The following ITIH6 variants were observed in gnomAD, a reference collection of about 807,000 sequenced individuals.
ITIH6 encodes inter-alpha-trypsin inhibitor heavy chain family member 6.
Under a neutral mutation model 58.2 loss-of-function variants are expected in ITIH6, and 60 were observed. The ratio of observed to expected loss-of-function variants is 1.03; its 90% CI spans 0.84 to 1.28. The LOEUF is 1.28. ITIH6 is among the 50% of genes most tolerant of loss of function. The probability of loss-of-function intolerance (pLI) is 0.00; values close to 1 mark genes in which losing one functional copy is unlikely to be tolerated. For synonymous variants in ITIH6, 493 were observed against 417.4 expected (o/e 1.18, Z -2.21); for missense variants, 1,290 against 1,021.1 (o/e 1.26, Z -3.59).
chrX:54,782,619 C>A (rs1420352936), intron 5 of ITIH6, among the ~76,000 whole-genome samples: 1 of 110,793 alleles, frequency 9.0e-6, no homozygotes, highest in Non-Finnish European at 1.9e-5. Flanking sequence ...TAGACACATA[C>A]AACCTAACCA....
Position 54,759,943 on chromosome X carries a change from G to A in ITIH6, c.904-16C>T. The A allele has an allele frequency of 8.5e-7, 1 of 1,180,941 alleles. No homozygotes were observed. Among genetic ancestry groups the A allele is most frequent in the Non-Finnish European group, 1.1e-6 (1 of 872,250 alleles). Reference sequence around the variant, plus strand: ...CCGTTTTAGTCTGTGGGATATGGATGAAATGAAGAGAATGGGACAAGACTT... The same window carrying A: ...CCGTTTTAGTCTGTGGGATATGGATAAAATGAAGAGAATGGGACAAGACTT... On this transcript the variant is annotated splice_polypyrimidine_tract_variant and intron_variant, in intron 6 of 12. Coordinates refer to ENST00000218436, the MANE Select transcript of ITIH6 (RefSeq NM_198510.3).
At chrX:54,773,675 T>C (rs1928996688) in intron 6 of ITIH6, among the ~76,000 whole-genome samples, 1 of 108,962 alleles carries the variant, frequency 9.2e-6, no homozygotes, top group Non-Finnish European at 1.9e-5. Flanking sequence ...TAGTACTCTA[T>C]ACTATTAGGC....
At chrX:54,797,963 GCT>G (rs1929473257) in intron 1 of ITIH6, 144 bp downstream of exon 1, 1 of 447,094 alleles carries the variant, frequency 2.2e-6, no homozygotes, top group African/African-American at 2.5e-5. Context: ...CCTGACATGT[GCT>G]CAGCAAATAG....
Position 54,751,399 on chromosome X carries a change from G to A in ITIH6, c.3353-19C>T. 1 of 1,203,796 alleles carries A rather than the reference G, an allele frequency of 8.3e-7. No homozygotes were observed. Among genetic ancestry groups the A allele is most frequent in the Admixed American group, 2.2e-5 (1 of 45,622 alleles). ...TGCAGCCCTGGAGGGAGGGGAGTGT[G>A]GGCCTGGAGCGGGGGCTTTTGCATG... On this transcript the variant is annotated intron_variant, in intron 11 of 12. Transcript: ENST00000218436.
intron 2 of ITIH6, among the ~76,000 whole-genome samples, chrX:54,796,413 T>C (rs1217970417): frequency 8.9e-6 from 1 of 112,054 alleles, no homozygotes; most frequent in Non-Finnish European, 1.9e-5. Context: ...TGGCCGGGTG[T>C]GGTGGCTCAT....
At chrX:54,770,183 A>T (rs1441274208) in intron 6 of ITIH6, among the ~76,000 whole-genome samples, 2 of 112,510 alleles carry the variant, frequency 1.8e-5, no homozygotes. Flanking sequence ...CGGAAAGGGA[A>T]CTCCCTGTCC....
intron 6 of ITIH6, among the ~76,000 whole-genome samples, chrX:54,763,333 G>A (rs868267132): frequency 2.5e-4 from 28 of 111,415 alleles, no homozygotes; most frequent in Non-Finnish European, 3.4e-4. Context: ...AGACTTAATA[G>A]GATTGCCTTT....
intron 8 of ITIH6, 30 bp from the exon 9 acceptor site, chrX:54,755,139 C>T (rs370701559): frequency 9.7e-6 from 11 of 1,139,783 alleles, no homozygotes; most frequent in African/African-American, 1.8e-5. Flanking sequence ...TAAGAAAACC[C>T]TTCAAATTCC....
chrX:54,781,164 T>A (rs187719739), intron 5 of ITIH6, among the ~76,000 whole-genome samples: 232 of 111,688 alleles, frequency 2.1e-3, no homozygotes, highest in African/African-American at 7.3e-3. Context: ...GGCAATAGCA[T>A]TCTGGACATA....
intron 4 of ITIH6, among the ~76,000 whole-genome samples, chrX:54,788,942 T>A (rs1002508926): frequency 1.4e-4 from 16 of 112,352 alleles, no homozygotes; most frequent in Non-Finnish European, 2.4e-4. Flanking sequence ...CCCTGCTTCA[T>A]TTTCCGTGCA....
At chrX:54,750,147 G>C in intron 12 of ITIH6, 41 bp from the exon 13 acceptor site, 1 of 1,056,681 alleles carries the variant, frequency 9.5e-7, no homozygotes, top group East Asian at 3.1e-5. Context: ...GAGGTGGCCT[G>C]AGTCCCTGCT....
intron 6 of ITIH6, among the ~76,000 whole-genome samples, chrX:54,768,535 GT>G (rs1265463241): frequency 9.8e-6 from 1 of 102,207 alleles, no homozygotes; most frequent in African/African-American, 3.7e-5. Flanking sequence ...GGTACCGGTT[GT>G]TCCTTTCCAT....
chrX:54,796,844 C>T, intron 2 of ITIH6, 98 bp downstream of exon 2: 1 of 859,885 alleles, frequency 1.2e-6, no homozygotes, highest in South Asian at 2.8e-5. Context: ...TCTCAGAGTG[C>T]ATTGTCTTAA....
chrX:54,755,172 T>A, intron 8 of ITIH6, 63 bp from the exon 9 acceptor site: 1 of 1,025,439 alleles, frequency 9.8e-7, no homozygotes, highest in Non-Finnish European at 1.4e-6. Context: ...TCAAAATCTT[T>A]CTGACAAGGA....
intron 5 of ITIH6, among the ~76,000 whole-genome samples, chrX:54,781,526 AT>A (rs1929147315): frequency 8.9e-6 from 1 of 112,437 alleles, no homozygotes; most frequent in Admixed American, 9.4e-5. Flanking sequence ...CAAAACCACA[AT>A]GAGACACCAT....
Position 54,750,003 on chromosome X carries a change from C to T in ITIH6, c.3834G>A (p.Leu1278=), listed in dbSNP as rs980455726. 2.5e-6 allele frequency: 3 copies of T among 1,211,531 alleles called. No homozygotes were observed. The highest frequency in any genetic ancestry group is 2.2e-6 in the Non-Finnish European group (2 of 895,277). Residue 1278 remains leucine (L), a synonymous_variant, in exon 13 of 13, where the codon CTG becomes CTA. Transcript: ENST00000218436. The part of the protein sequence containing the change: ...PDVPVILGKR[L]LKDSPRLLPR... ...GCAGCAGCCTTGGTGAGTCCTTCAG[C>T]AGCCTCTTGCCTAGAATCACAGGCA...
intron 5 of ITIH6, 84 bp downstream of exon 5, chrX:54,788,396 G>A: frequency 1.2e-6 from 1 of 848,829 alleles, no homozygotes; most frequent in Non-Finnish European, 1.7e-6. Context: ...TAGGGAAACT[G>A]GTGTGAACAG....
Position 54,774,024 on chromosome X carries a change from C to G in ITIH6, c.903+57G>C, listed in dbSNP as rs1367941715. 3 of 723,512 alleles carry G rather than the reference C, an allele frequency of 4.1e-6. No homozygotes were observed. The South Asian group carries it at 7.8e-5, about 19-fold the overall frequency. The allele number at this position is 723,512 out of a possible 1,213,427, so 59.6% of individuals were successfully genotyped here. On this transcript the variant is annotated intron_variant, in intron 6 of 12. Coordinates refer to ENST00000218436, the MANE Select transcript of ITIH6 (RefSeq NM_198510.3). ...CAGGGCCCCATTGTTACCACGCTCT[C>G]TGCTTTCTGGGTCTTCTGATACTAG...
Position 54,757,714 on chromosome X carries a change from C to A in ITIH6, c.2360G>T (p.Gly787Val). ...CCCAAGTTGGGGGTGCGATGGAGCA[C>A]CAGGTTTGGAATGCAGTGGAGTAAC... is the stretch of plus-strand genomic sequence containing the variant. The part of the protein sequence containing the change: ...KCVTPLHSKP[G>V]APSHPQLGAL... Residue 787 changes from glycine to valine, a missense_variant, in exon 8 of 13, where the codon GGT (glycine) becomes GTT (valine). Physicochemically the swap from Gly to Val is moderately radical, Grantham distance 109. Coordinates refer to ENST00000218436, the MANE Select transcript of ITIH6 (RefSeq NM_198510.3). 1 of 1,211,342 alleles carries A rather than the reference C, an allele frequency of 8.3e-7. No homozygotes were observed. Among genetic ancestry groups the A allele is most frequent in the Non-Finnish European group, 1.1e-6 (1 of 895,410 alleles).
Sources: allele counts gnomAD v4.1 joint callset (sites outside exome capture counted in the v4.1 genomes callset), GRCh38; gene constraint gnomAD v4.1.1; transcripts MANE v1.5; gene names NCBI Gene and HGNC (gene_info 2026-07-23, HGNC 2026-07-21).